Variants in RYR3 observed in about 807,000 individuals in gnomAD.
The protein encoded by RYR3 is ryanodine receptor 3.
In RYR3, 207 loss-of-function variants were observed where a neutral mutation model predicts 584.3. That is an observed-to-expected ratio of 0.35 (90% CI 0.32 to 0.40). The LOEUF is 0.40. RYR3 is among the 10% of genes least tolerant of loss of function. RYR3 has a pLI of 1.00. For missense variants in RYR3, 5,616 were observed against 6,089.2 expected (o/e 0.92, Z 2.59); for synonymous variants, 2,416 against 2,248.5 (o/e 1.07, Z -2.11).
chr15:33,834,361 C>T (rs2077896710), intron 86 of RYR3, among the ~76,000 whole-genome samples: 1 of 151,438 alleles, frequency 6.6e-6, no homozygotes, highest in Non-Finnish European at 1.5e-5. Context: ...TAAGTTATTC[C>T]TCTACATTTG....
chr15:33,404,603 T>TA (rs1033082769), intron 1 of RYR3, among the ~76,000 whole-genome samples: 2 of 149,692 alleles, frequency 1.3e-5, no homozygotes, highest in Non-Finnish European at 3.0e-5. Context: ...TTTTTTTTTT[T>TA]ACTTGTAACT....
intron 2 of RYR3, among the ~76,000 whole-genome samples, chr15:33,501,371 G>C (rs1320614424): frequency 1.3e-5 from 2 of 152,146 alleles, no homozygotes; most frequent in Non-Finnish European, 2.9e-5. Context: ...GTCATGTAAG[G>C]GCAGAATCTT....
intron 1 of RYR3, among the ~76,000 whole-genome samples, chr15:33,428,185 T>C (rs1366465029): frequency 1.3e-5 from 2 of 152,252 alleles, no homozygotes; most frequent in African/African-American, 4.8e-5. Flanking sequence ...GTTCATCATA[T>C]AGATGGCGCA....
intron 96 of RYR3, 149 bp downstream of exon 96, chr15:33,853,831 C>G (rs948534025): frequency 3.1e-6 from 3 of 976,494 alleles, no homozygotes; most frequent in Non-Finnish European, 4.4e-6. Context: ...TGGGAGAGCA[C>G]TGCCTTAAAA....
chr15:33,569,387 T>C (rs981829955), intron 12 of RYR3, among the ~76,000 whole-genome samples: 20 of 152,208 alleles, frequency 1.3e-4, no homozygotes, highest in African/African-American at 4.8e-4. Flanking sequence ...TCTGTATTTA[T>C]TAAACAAGAA....
At chr15:33,337,934 A>ATTTTTTTTTTTTTTTTTTTTTTTTTTT (rs199625940) in intron 1 of RYR3, among the ~76,000 whole-genome samples, 1 of 113,550 alleles carries the variant, frequency 8.8e-6, no homozygotes, top group African/African-American at 3.6e-5. Context: ...ATTTTAGGAG[A>ATTTTTTTTTTTTTTTTTTTTTTTTTTT]TTTTTTTTTT....
At chr15:33,566,012 C>G (rs1414009349) in intron 11 of RYR3, among the ~76,000 whole-genome samples, 1 of 152,214 alleles carries the variant, frequency 6.6e-6, no homozygotes, top group Non-Finnish European at 1.5e-5. Context: ...TAAGATAAGT[C>G]TATTTGCAGA....
At chr15:33,739,804 C>A in intron 50 of RYR3, 28 bp from the exon 51 acceptor site, 1 of 1,603,570 alleles carries the variant, frequency 6.2e-7, no homozygotes, top group Non-Finnish European at 8.5e-7. Flanking sequence ...GCTTTCTCTA[C>A]TAATGTGGCC....
intron 43 of RYR3, 46 bp downstream of exon 43, chr15:33,707,100 A>G (rs1469814057): frequency 6.2e-7 from 1 of 1,603,984 alleles, no homozygotes; most frequent in Non-Finnish European, 8.5e-7. Context: ...GAATAGCATG[A>G]TCGTGGATAC....
chr15:33,793,809 C>T (rs2075309144), intron 67 of RYR3, among the ~76,000 whole-genome samples: 1 of 151,112 alleles, frequency 6.6e-6, no homozygotes, highest in African/African-American at 2.4e-5. Context: ...CTCATTTTAG[C>T]ATTATTTTAT....
intron 19 of RYR3, among the ~76,000 whole-genome samples, chr15:33,623,091 C>T (rs1038451807): frequency 2.5e-4 from 38 of 152,244 alleles, no homozygotes; most frequent in African/African-American, 8.2e-4. Context: ...AGGAGGTGGG[C>T]CAGGGTGTCA....
intron 1 of RYR3, among the ~76,000 whole-genome samples, chr15:33,451,902 ATAATC>A (rs1424612854): frequency 1.3e-5 from 2 of 152,260 alleles, no homozygotes; most frequent in African/African-American, 2.4e-5. Context: ...CAGCCAGTGA[ATAATC>A]TAATCAGTAC....
intron 64 of RYR3, among the ~76,000 whole-genome samples, chr15:33,778,024 G>A (rs2074124526): frequency 6.6e-6 from 1 of 152,082 alleles, no homozygotes; most frequent in African/African-American, 2.4e-5. Flanking sequence ...ACAAAAATTA[G>A]TCGGGTGTGG....
In RYR3 at chr15:33,739,943, A is replaced by G; in HGVS notation, c.7768A>G (p.Ile2590Val). 6.2e-7 allele frequency: 1 copy of G among 1,613,894 alleles called. No homozygotes were observed. Among genetic ancestry groups the G allele is most frequent in the Non-Finnish European group, 8.5e-7 (1 of 1,179,850 alleles). ...AATCACAGCCACGTTGGAGAAACAG[A>G]TCTCAGTGGATGCGGATGGCAACTT... is the stretch of plus-strand genomic sequence containing the variant. ...TRITATLEKQ[I>V]SVDADGNFDP... The change falls in exon 51 of 104, where the codon ATC becomes GTC. Residue 2590 changes from isoleucine to valine, a missense_variant. By Grantham distance (29) the Ile-to-Val change is conservative. This residue lies in a region of RYR3 where 1,280 missense variants were observed against 1,426.2 expected (regional missense o/e 0.90). Coordinates refer to ENST00000634891, the MANE Select transcript of RYR3 (RefSeq NM_001036.6).
chr15:33,613,854 G>A (rs1300561738), intron 19 of RYR3, among the ~76,000 whole-genome samples: 1 of 152,076 alleles, frequency 6.6e-6, no homozygotes, highest in Non-Finnish European at 1.5e-5. Flanking sequence ...CAACAATAAT[G>A]AGCCTTTTCC....
At chr15:33,616,438 C>T (rs1002871785) in intron 19 of RYR3, among the ~76,000 whole-genome samples, 2 of 152,200 alleles carry the variant, frequency 1.3e-5, no homozygotes, top group African/African-American at 4.8e-5. Context: ...AAATAGTTGA[C>T]TGAAAGGTAT....
At chr15:33,317,233 C>T (rs1189183369) in intron 1 of RYR3, among the ~76,000 whole-genome samples, 1 of 152,166 alleles carries the variant, frequency 6.6e-6, no homozygotes, top group African/African-American at 2.4e-5. Context: ...GCACTGGGGA[C>T]CTGCTTTCCT....
At chr15:33,615,780 G>A (rs75862447) in intron 19 of RYR3, among the ~76,000 whole-genome samples, 20 of 152,326 alleles carry the variant, frequency 1.3e-4, no homozygotes, top group African/African-American at 4.6e-4. Context: ...TCAGAAGCAT[G>A]TGGAAAACGG....
Position 33,562,868 on chromosome 15 carries a change from A to G in RYR3, c.1004A>G (p.Lys335Arg), listed in dbSNP as rs368778368. The change falls in exon 11 of 104, where the codon AAG becomes AGG. Residue 335 changes from lysine to arginine, a missense_variant. Transcript: ENST00000634891. ...ELKEKLDSSHKRDIEGMGVPE... is the reference protein window; with the variant it reads ...ELKEKLDSSHRRDIEGMGVPE... ...AAGGAGAAATTAGACTCCAGTCACAAGCGAGACATAGAAGGCATGGGAGTT... is the reference window on the plus strand; with the variant it reads ...AAGGAGAAATTAGACTCCAGTCACAGGCGAGACATAGAAGGCATGGGAGTT... The G allele has an allele frequency of 1.2e-5, 20 of 1,613,418 alleles. No individual in the cohort carries two copies. The highest frequency in any genetic ancestry group is 1.7e-5 in the Non-Finnish European group (20 of 1,179,466).
Sources: allele counts gnomAD v4.1 joint callset (sites outside exome capture counted in the v4.1 genomes callset), GRCh38; gene constraint gnomAD v4.1.1; regional missense constraint gnomAD v4.1.1; transcripts MANE v1.5; gene names NCBI Gene and HGNC (gene_info 2026-07-23, HGNC 2026-07-21).